CDC42: variants seen among roughly 807,000 people sequenced by gnomAD.
The protein encoded by CDC42 is cell division cycle 42.
In CDC42, 1 loss-of-function variant was observed where a neutral mutation model predicts 20.8. The observed-to-expected ratio is 0.05, with a 90% CI of 0.02 to 0.23. CDC42 has a LOEUF of 0.23. CDC42 is among the 10% of genes least tolerant of loss of function. The probability of loss-of-function intolerance (pLI) is 1.00; values close to 1 mark genes in which losing one functional copy is unlikely to be tolerated. For synonymous variants in CDC42, 72 were observed against 84.8 expected (o/e 0.85, Z 0.83); for missense variants, 49 against 227.9 (o/e 0.21, Z 5.05).
intron 1 of CDC42, among the ~76,000 whole-genome samples, chr1:22,056,819 A>G (rs1437321791): frequency 2.6e-5 from 4 of 152,256 alleles, no homozygotes; most frequent in South Asian, 4.1e-4. Context: ...GTCCAGAACA[A>G]TTTCTAATAG....
chr1:22,089,874 G>A (rs1362161153), intron 5 of CDC42: 6 of 1,497,878 alleles, frequency 4.0e-6, no homozygotes, highest in African/African-American at 1.4e-5. Flanking sequence ...CCGGACTGCT[G>A]TTGTACCTGC....
chr1:22,073,726 A>G (rs568143961), intron 1 of CDC42, among the ~76,000 whole-genome samples: 1 of 152,246 alleles, frequency 6.6e-6, no homozygotes, highest in African/African-American at 2.4e-5. Flanking sequence ...CAGTGGCACA[A>G]TCATAGCCAA....
intron 1 of CDC42, among the ~76,000 whole-genome samples, chr1:22,054,907 ATATATATATATATATTTTTTTTTT>A (rs1645280565): frequency 8.2e-5 from 1 of 12,210 alleles, no homozygotes. Flanking sequence ...ATATATATAT[ATATATATATATATATTTTTTTTTT>A]TTTTTTTTTT....
At chr1:22,054,271 A>C (rs1216604351) in intron 1 of CDC42, among the ~76,000 whole-genome samples, 2 of 152,108 alleles carry the variant, frequency 1.3e-5, no homozygotes, top group Non-Finnish European at 1.5e-5. Flanking sequence ...GCTGCAGTGC[A>C]GTGGCGCGAT....
At chr1:22,090,487 A>G in intron 5 of CDC42, 4 of 987,534 alleles carry the variant, frequency 4.1e-6, no homozygotes, top group Non-Finnish European at 4.8e-6. Flanking sequence ...TGTAATGGGG[A>G]AGGGAGGATT....
chr1:22,061,438 T>G (rs1429207505), intron 1 of CDC42, among the ~76,000 whole-genome samples: 1 of 150,506 alleles, frequency 6.6e-6, no homozygotes, highest in Non-Finnish European at 1.5e-5. Context: ...AAACCCTTTA[T>G]TATATCTTCA....
At chr1:22,062,123 A>T (rs1157431858) in intron 1 of CDC42, among the ~76,000 whole-genome samples, 1 of 149,328 alleles carries the variant, frequency 6.7e-6, no homozygotes, top group African/African-American at 2.5e-5. Context: ...TTTAGTAGAC[A>T]CGGGGTTTCA....
At chr1:22,083,034 C>G (rs899061241) in intron 3 of CDC42, among the ~76,000 whole-genome samples, 1 of 151,914 alleles carries the variant, frequency 6.6e-6, no homozygotes, top group Admixed American at 6.6e-5. Flanking sequence ...CATGCGCCAC[C>G]ATACCCGGCT....
Position 22,057,810 on chromosome 1 carries a change from G to A in CDC42, c.-51+5068G>A, listed in dbSNP as rs372792600. 5.3e-5 allele frequency among the ~76,000 whole-genome samples: 8 copies of A among 151,074 alleles called. No individual in the cohort carries two copies. The East Asian group carries it at 9.7e-4, about 18-fold the overall frequency. Reference sequence around the variant, plus strand: ...ATGATCTTGGCTCACTGCAACCTCTGCCTCCCGGGTTCAAGTGATTCTCCT... The same window carrying A: ...ATGATCTTGGCTCACTGCAACCTCTACCTCCCGGGTTCAAGTGATTCTCCT... On this transcript the variant is annotated intron_variant, in intron 1 of 5. Coordinates refer to ENST00000656825, the MANE Select transcript of CDC42 (RefSeq NM_001791.4).
At chr1:22,069,169 CCTTTT>C (rs1645455415) in intron 1 of CDC42, among the ~76,000 whole-genome samples, 2 of 107,704 alleles carry the variant, frequency 1.9e-5, no homozygotes, top group Admixed American at 1.1e-4. Flanking sequence ...CCATTTTATT[CCTTTT>C]TTTTTTTTTT....
Position 22,099,516 on chromosome 1 carries a change from T to G in CDC42, c.*7999T>G, listed in dbSNP as rs2865179. Among the ~76,000 whole-genome samples, 1 of 152,298 alleles carries G rather than the reference T, an allele frequency of 6.6e-6. No individual in the cohort carries two copies. The highest frequency in any genetic ancestry group is 2.4e-5 in the African/African-American group (1 of 41,570). On this transcript the variant is annotated 3_prime_UTR_variant, in exon 6 of 6. Transcript: ENST00000656825. ...TGTGCTTACCATTACATATCTTATG[T>G]GGAAATAAAATGTATATGATTAATT...
intron 1 of CDC42, among the ~76,000 whole-genome samples, chr1:22,054,104 G>C (rs79253563): frequency 6.6e-6 from 1 of 152,116 alleles, no homozygotes; most frequent in Non-Finnish European, 1.5e-5. Flanking sequence ...GTTTATGCCT[G>C]ATCTATGCTA....
intron 5 of CDC42, chr1:22,090,476 G>A (rs1038398730): frequency 2.0e-6 from 2 of 988,838 alleles, no homozygotes; most frequent in African/African-American, 1.7e-5. Flanking sequence ...ACCTAGTAGA[G>A]TGTAATGGGG....
At chr1:22,062,763 A>G (rs1645380866) in intron 1 of CDC42, among the ~76,000 whole-genome samples, 2 of 83,970 alleles carry the variant, frequency 2.4e-5, no homozygotes, top group African/African-American at 9.3e-5. Flanking sequence ...AAAAAAAAAA[A>G]AAGATTTTTT....
chr1:22,081,972 C>T lies in CDC42; in HGVS notation c.178+178C>T, dbSNP rs2056976. Among the ~76,000 whole-genome samples the T allele has an allele frequency of 0.95, 144,032 of 152,252 alleles. 68,221 individuals are homozygous for T. Among genetic ancestry groups the T allele is most frequent in the East Asian group, 1 (5,169 of 5,172 alleles). On this transcript the variant is annotated intron_variant, in intron 3 of 5. Coordinates refer to ENST00000656825, the MANE Select transcript of CDC42 (RefSeq NM_001791.4). ...CCAAGGAGCAGTCCCAGACCTGGGTCGGCAAATAGGAGTTTGGAGTACCCT... is the reference window on the plus strand; with the variant it reads ...CCAAGGAGCAGTCCCAGACCTGGGTTGGCAAATAGGAGTTTGGAGTACCCT...
At chr1:22,066,054 G>A (rs949398417) in intron 1 of CDC42, among the ~76,000 whole-genome samples, 9 of 152,074 alleles carry the variant, frequency 5.9e-5, no homozygotes, top group African/African-American at 1.9e-4. Flanking sequence ...GTGCCTGGGC[G>A]TTTTTTTCAT....
chr1:22,074,746 C>A (rs1645530377), intron 1 of CDC42, among the ~76,000 whole-genome samples: 1 of 152,142 alleles, frequency 6.6e-6, no homozygotes, highest in Non-Finnish European at 1.5e-5. Flanking sequence ...AAAACTACAA[C>A]AAATTTAAAT....
At chr1:22,057,912 T>G (rs972446149) in intron 1 of CDC42, among the ~76,000 whole-genome samples, 2 of 148,880 alleles carry the variant, frequency 1.3e-5, no homozygotes, top group African/African-American at 5.0e-5. Context: ...TTAGTAGAGG[T>G]GGGGGGGTTT....
chr1:22,087,337 T>C (rs1645671159), intron 5 of CDC42, among the ~76,000 whole-genome samples: 1 of 152,238 alleles, frequency 6.6e-6, no homozygotes, highest in African/African-American at 2.4e-5. Flanking sequence ...AAGGCAGCCA[T>C]GGCTATTTCT....
Sources: gnomAD v4.1 joint callset for allele counts (sites outside exome capture counted in the v4.1 genomes callset) on GRCh38, gnomAD v4.1.1 for gene constraint, MANE v1.5 for transcripts, NCBI Gene and HGNC (gene_info 2026-07-23, HGNC 2026-07-21) for gene names.